Variants in AK9 observed in about 807,000 individuals in gnomAD.
AK9 encodes the protein adenylate kinase 9.
In AK9, 191 loss-of-function variants were observed where a neutral mutation model predicts 239.6. The observed-to-expected ratio is 0.80, with a 90% confidence interval of 0.71 to 0.90. The LOEUF is 0.90. Ranked by LOEUF, AK9 falls within the 40% of genes least tolerant of loss-of-function variation. The pLI is 0.00. For missense variants in AK9, 1,995 were observed against 2,214.7 expected (o/e 0.90, Z 1.99); for synonymous variants, 689 against 721.0 (o/e 0.96, Z 0.71).
intron 27 of AK9, among the ~76,000 whole-genome samples, chr6:109,540,629 A>G (rs1030707407): frequency 2.6e-5 from 4 of 152,164 alleles, no homozygotes; most frequent in Admixed American, 6.5e-5. Flanking sequence ...CTGTCTGACA[A>G]GCCCCATTGA....
At chr6:109,652,046 T>C (rs1048400849) in intron 8 of AK9, among the ~76,000 whole-genome samples, 1 of 152,150 alleles carries the variant, frequency 6.6e-6, no homozygotes, top group Admixed American at 6.5e-5. Flanking sequence ...CCTCCCTAAC[T>C]CATTTTATGA....
chr6:109,633,337 A>C lies in AK9; in HGVS notation c.934-14T>G, dbSNP rs1247289658. ...AAATAGCTCATCCTGTGAATTGCAA[A>C]TACTACATTAAAAATATGGGCATAA... is the stretch of plus-strand genomic sequence containing the variant. On this transcript the variant is annotated splice_polypyrimidine_tract_variant and intron_variant, in intron 10 of 40. Transcript: ENST00000424296. 5 of 1,584,448 alleles carry C rather than the reference A, an allele frequency of 3.2e-6. No homozygotes were observed. The African/African-American group carries it at 5.4e-5, about 17-fold the overall frequency.
At chr6:109,553,726 G>A (rs1374545445) in intron 24 of AK9, among the ~76,000 whole-genome samples, 3 of 152,052 alleles carry the variant, frequency 2.0e-5, no homozygotes, top group East Asian at 1.9e-4. Flanking sequence ...TGGCCAGAAC[G>A]TCCAATACTA....
chr6:109,666,634 CT>C (rs1430051479), intron 5 of AK9, among the ~76,000 whole-genome samples: 1 of 152,238 alleles, frequency 6.6e-6, no homozygotes, highest in Non-Finnish European at 1.5e-5. Flanking sequence ...CATACCATCA[CT>C]TTGCCACCAT....
At chr6:109,536,225 C>T (rs2128139544) in intron 27 of AK9, among the ~76,000 whole-genome samples, 1 of 152,278 alleles carries the variant, frequency 6.6e-6, no homozygotes. Context: ...GATATTGATT[C>T]TTCCTATCCA....
At chr6:109,590,438 C>T (rs535296120) in intron 17 of AK9, among the ~76,000 whole-genome samples, 8 of 152,106 alleles carry the variant, frequency 5.3e-5, no homozygotes, top group African/African-American at 1.9e-4. Context: ...TCTGATTTTG[C>T]TTATTTGAAT....
At chr6:109,500,213 A>G (rs546517276) in intron 35 of AK9, among the ~76,000 whole-genome samples, 5 of 152,166 alleles carry the variant, frequency 3.3e-5, no homozygotes, top group Non-Finnish European at 5.9e-5. Flanking sequence ...GATCCCACCC[A>G]AGAGAAGGAA....
intron 28 of AK9, among the ~76,000 whole-genome samples, chr6:109,531,230 C>T (rs760494340): frequency 1.3e-5 from 2 of 151,986 alleles, no homozygotes; most frequent in Non-Finnish European, 2.9e-5. Flanking sequence ...TAGGAAAATT[C>T]GTGTGGAGGT....
At chr6:109,604,458 A>C (rs1447281590) in intron 17 of AK9, among the ~76,000 whole-genome samples, 1 of 152,166 alleles carries the variant, frequency 6.6e-6, no homozygotes, top group Non-Finnish European at 1.5e-5. Flanking sequence ...CCAACAGTTA[A>C]TCTTATCAAC....
At chr6:109,548,751 A>G (rs1783930088) in intron 25 of AK9, among the ~76,000 whole-genome samples, 1 of 152,230 alleles carries the variant, frequency 6.6e-6, no homozygotes, top group South Asian at 2.1e-4. Context: ...TCATCTGCTG[A>G]CAAAAACAGA....
At chr6:109,543,793 G>A (rs111601793) in intron 26 of AK9, among the ~76,000 whole-genome samples, 34 of 151,922 alleles carry the variant, frequency 2.2e-4, no homozygotes, top group African/African-American at 8.0e-4. Context: ...TCTCCTGAAC[G>A]CTACTAAATA....
intron 17 of AK9, among the ~76,000 whole-genome samples, chr6:109,587,941 T>C (rs1789723024): frequency 6.6e-6 from 1 of 152,218 alleles, no homozygotes; most frequent in Admixed American, 6.5e-5. Flanking sequence ...CTTTGCATCC[T>C]TGTCAACATC....
chr6:109,541,977 A>C, intron 27 of AK9, 70 bp downstream of exon 27: 3 of 1,309,524 alleles, frequency 2.3e-6, no homozygotes, highest in Non-Finnish European at 3.1e-6. Context: ...ATGTTAAACT[A>C]CATTTTTAAC....
intron 1 of AK9, among the ~76,000 whole-genome samples, chr6:109,676,292 G>T (rs1771742544): frequency 6.6e-6 from 1 of 151,892 alleles, no homozygotes; most frequent in South Asian, 2.1e-4. Context: ...GTTGTTTTCA[G>T]AAACCTTTTG....
At chr6:109,556,498 T>C (rs2128172948) in intron 24 of AK9, among the ~76,000 whole-genome samples, 1 of 152,274 alleles carries the variant, frequency 6.6e-6, no homozygotes, top group Admixed American at 6.5e-5. Flanking sequence ...GGGGTTGATC[T>C]CATGGAGTAT....
Position 109,503,289 on chromosome 6 carries a change from T to C in AK9, c.4849+3038A>G, listed in dbSNP as rs140393475. Among the ~76,000 whole-genome samples, 384 of 152,234 alleles carry C rather than the reference T, an allele frequency of 2.5e-3. 1 individual carries two copies. The highest frequency in any genetic ancestry group is 8.9e-3 in the African/African-American group (370 of 41,540). ...TTTCTTGGTTGCTCTTTAGCTCAGA[T>C]GTACTGAACCTCACCAATCCTGACA... On this transcript the variant is annotated intron_variant, in intron 35 of 40. Transcript: ENST00000424296.
chr6:109,569,319 T>C (rs1435067264), intron 21 of AK9, among the ~76,000 whole-genome samples: 1 of 152,122 alleles, frequency 6.6e-6, no homozygotes, highest in East Asian at 1.9e-4. Flanking sequence ...CCTAAAACCA[T>C]AAAAACCCTA....
intron 5 of AK9, among the ~76,000 whole-genome samples, chr6:109,666,969 G>C (rs1430796854): frequency 1.3e-5 from 2 of 152,232 alleles, no homozygotes; most frequent in Non-Finnish European, 1.5e-5. Flanking sequence ...AGATTTTCCA[G>C]AATCTAGAAG....
intron 6 of AK9, among the ~76,000 whole-genome samples, chr6:109,661,623 C>T (rs959687975): frequency 6.6e-6 from 1 of 152,162 alleles, no homozygotes; most frequent in African/African-American, 2.4e-5. Context: ...GTGATTGACC[C>T]CTGGCCATGA....
Sources: gnomAD v4.1 joint callset for allele counts (sites outside exome capture counted in the v4.1 genomes callset) on GRCh38, gnomAD v4.1.1 for gene constraint, MANE v1.5 for transcripts, NCBI Gene and HGNC (gene_info 2026-07-23, HGNC 2026-07-21) for gene names.